PPP2R2D: variants seen among roughly 807,000 people sequenced by gnomAD.
PPP2R2D encodes the protein serine/threonine-protein phosphatase 2A 55 kDa regulatory subunit B delta isoform.
PPP2R2D carries 9 observed loss-of-function variants against 31.1 expected under a neutral mutation model. The ratio of observed to expected loss-of-function variants is 0.29; its 90% CI spans 0.17 to 0.51. PPP2R2D has a LOEUF of 0.51. PPP2R2D is among the 20% of genes least tolerant of loss of function. PPP2R2D has a pLI of 0.98. For synonymous variants in PPP2R2D, 179 were observed against 172.6 expected, an observed-to-expected ratio of 1.04 and a Z score of -0.29; for missense variants, 391 against 465.6, an observed-to-expected ratio of 0.84 and a Z score of 1.48.
In PPP2R2D at chr10:131,938,464, C is replaced by T. The variant is rs2036382894; in HGVS notation, c.199-1567C>T. Among the ~76,000 whole-genome samples, 3 of 152,206 alleles carry T rather than the reference C, an allele frequency of 2.0e-5. No individual in the cohort carries two copies. In the East Asian group the frequency reaches 5.8e-4, roughly 29 times the overall value. Reference sequence around the variant, plus strand: ...TGCAAACCCACCACCCAGAGGTTATCCCTTCATCAAAGGAAGGAGAATGCT... The same window carrying T: ...TGCAAACCCACCACCCAGAGGTTATTCCTTCATCAAAGGAAGGAGAATGCT... On this transcript the variant is annotated intron_variant, in intron 3 of 8. Transcript: ENST00000455566.
At chr10:131,919,104 C>T (rs1284628210) in intron 2 of PPP2R2D, among the ~76,000 whole-genome samples, 3 of 93,520 alleles carry the variant, frequency 3.2e-5, no homozygotes, top group African/African-American at 4.4e-5. Context: ...GGACGTCAGG[C>T]GGCTGGAATG....
At position 131,925,934 on chromosome 10, in the gene PPP2R2D, G is replaced by A. The variant is rs181719885; in HGVS notation, c.101-8524G>A. Among the ~76,000 whole-genome samples, 26 of 152,254 alleles carry A rather than the reference G, an allele frequency of 1.7e-4. 1 individual carries two copies. In the South Asian group the frequency reaches 1.9e-3, roughly 11 times the overall value. ...TAGTGGCTCCGCCCCGTTTTTCAGC[G>A]CACACACAGGCCCTTAGTCTGAGCC... On this transcript the variant is annotated intron_variant, in intron 2 of 8. Transcript: ENST00000455566.
rs1415351746 is a variant in PPP2R2D at position 131,932,437 on chromosome 10, C to T, written c.101-2021C>T. 2.6e-5 allele frequency among the ~76,000 whole-genome samples: 4 copies of T among 152,122 alleles called. No homozygotes were observed. In the South Asian group the frequency reaches 6.2e-4, roughly 24 times the overall value. Reference sequence around the variant, plus strand: ...GCAAGTTGATCACTTGAGACTGAAGCGGGCTGATGACGTGAGGCCAGGAAT... The same window carrying T: ...GCAAGTTGATCACTTGAGACTGAAGTGGGCTGATGACGTGAGGCCAGGAAT... On this transcript the variant is annotated intron_variant, in intron 2 of 8. Transcript: ENST00000455566.
chr10:131,925,563 T>C (rs1234268030), intron 2 of PPP2R2D, among the ~76,000 whole-genome samples: 1 of 152,272 alleles, frequency 6.6e-6, no homozygotes, highest in Non-Finnish European at 1.5e-5. Flanking sequence ...TTCTGACTTC[T>C]GTATTTTAGA....
In PPP2R2D at chr10:131,901,019, C is replaced by CG. The variant is rs2035477840; in HGVS notation, c.-130_-129insG. The CG allele has an allele frequency of 9.0e-6, 1 of 110,726 alleles. No homozygotes were observed. Among genetic ancestry groups the CG allele is most frequent in the Admixed American group, 1.0e-4 (1 of 9,990 alleles). 6.9% of individuals were successfully genotyped at this position (110,726 alleles called of 1,614,324 possible). The stretch of plus-strand genomic sequence containing the variant: ...TTTTGAAAAGGGAAAAAAATCCCTC[C>CG]CCGGCGGCGGCGGCGGCGGCGGCGG... On this transcript the variant is annotated 5_prime_UTR_variant, in exon 1 of 9. Transcript: ENST00000455566.
At chr10:131,964,014 C>T (rs2036951651), downstream of PPP2R2D, among the ~76,000 whole-genome samples, 1 of 152,230 alleles carries the variant, frequency 6.6e-6, no homozygotes. Context: ...TGCAGTCTTT[C>T]AGGACCCGAG....
Position 131,934,463 on chromosome 10 carries a change from A to C in PPP2R2D, c.106A>C (p.Ile36Leu). ...AIDEDVAEAD[I>L]ISTVEFNYSG... ...CTTCTGTATTTTGTTGACAGCGGACATCATTTCCACCGTTGAGTTTAATTA... is the reference window on the plus strand; with the variant it reads ...CTTCTGTATTTTGTTGACAGCGGACCTCATTTCCACCGTTGAGTTTAATTA... The change falls in exon 3 of 9, where the codon ATC becomes CTC. Residue 36 changes from isoleucine to leucine, a missense_variant. Ile to Leu is a conservative substitution (Grantham distance 5). This residue lies in a region of PPP2R2D where 105 missense variants were observed against 98.5 expected (regional missense o/e 1.07). Coordinates refer to ENST00000455566, the MANE Select transcript of PPP2R2D (RefSeq NM_018461.5). 2.6e-6 allele frequency: 2 copies of C among 778,754 alleles called. No homozygotes were observed. Among genetic ancestry groups the C allele is most frequent in the Non-Finnish European group, 4.8e-6 (2 of 417,434 alleles). 48.2% of individuals were successfully genotyped at this position (778,754 alleles called of 1,614,324 possible). A position where few individuals can be genotyped will look rare whatever the true frequency, so the allele number is the denominator to read the frequency against.
intron 2 of PPP2R2D, among the ~76,000 whole-genome samples, chr10:131,901,928 A>G (rs1486859916): frequency 6.6e-6 from 1 of 152,230 alleles, no homozygotes; most frequent in African/African-American, 2.4e-5. Flanking sequence ...CTCTACTGAT[A>G]TATTTTAAGG....
chr10:131,955,496 G>C (rs1485046744), intron 8 of PPP2R2D, among the ~76,000 whole-genome samples, 188 bp from the exon 9 acceptor site: 2 of 152,158 alleles, frequency 1.3e-5, no homozygotes, highest in Non-Finnish European at 2.9e-5. Flanking sequence ...CATGATTATA[G>C]ATAAAGCTCG....
At position 131,901,328 on chromosome 10, in the gene PPP2R2D, A is replaced by T; in HGVS notation, c.98A>T (p.Glu33Val). 1 of 357,248 alleles carries T rather than the reference A, an allele frequency of 2.8e-6. No individual in the cohort carries two copies. The allele number at this position is 357,248 out of a possible 1,614,324, so 22.1% of individuals were successfully genotyped here. The change falls in exon 2 of 9, where the codon GAA becomes GTA. Residue 33 changes from glutamate to valine, a missense_variant and splice_region_variant. By Grantham distance (121) the Glu-to-Val change is moderately radical. Coordinates refer to ENST00000455566, the MANE Select transcript of PPP2R2D (RefSeq NM_018461.5). ...GGGGCCATCGACGAGGACGTGGCCG[A>T]AGGTGAGCCCCGCGCCGCGCCCCGC... ...VKGAIDEDVAEADIISTVEFN... is the reference protein window; with the variant it reads ...VKGAIDEDVAVADIISTVEFN...
chr10:131,964,187 C>CT (rs1288671764), downstream of PPP2R2D, among the ~76,000 whole-genome samples: 2 of 152,176 alleles, frequency 1.3e-5, no homozygotes, highest in Non-Finnish European at 2.9e-5. Context: ...TACCAGGTCT[C>CT]TTCACTGTAG....
At chr10:131,922,724 G>A (rs568170776) in intron 2 of PPP2R2D, among the ~76,000 whole-genome samples, 1 of 152,150 alleles carries the variant, frequency 6.6e-6, no homozygotes, top group African/African-American at 2.4e-5. Flanking sequence ...GGGATTACAG[G>A]CATGAGCTAC....
intron 2 of PPP2R2D, among the ~76,000 whole-genome samples, chr10:131,922,865 AT>A (rs1336567635): frequency 9.2e-5 from 14 of 152,276 alleles, no homozygotes; most frequent in South Asian, 2.1e-4. Flanking sequence ...TTTATATCAG[AT>A]TTTTGTTTGT....
intron 2 of PPP2R2D, among the ~76,000 whole-genome samples, chr10:131,911,032 C>T (rs2035674774): frequency 6.6e-6 from 1 of 152,200 alleles, no homozygotes; most frequent in African/African-American, 2.4e-5. Context: ...TTATAATAAA[C>T]CGCTAAACTA....
chr10:131,918,815 AGT>A (rs1159806591), intron 2 of PPP2R2D, among the ~76,000 whole-genome samples: 4 of 132,814 alleles, frequency 3.0e-5, no homozygotes, highest in Admixed American at 8.0e-5. Flanking sequence ...GGAATGACAC[AGT>A]GTGGGGACCT....
Position 131,945,877 on chromosome 10 carries a change from C to T in PPP2R2D, c.820+418C>T, listed in dbSNP as rs576642267. 11 of 160,926 alleles carry T rather than the reference C, an allele frequency of 6.8e-5. No homozygotes were observed. The highest frequency in any genetic ancestry group is 1.2e-4 in the African/African-American group (5 of 41,704). 10.0% of individuals were successfully genotyped at this position (160,926 alleles called of 1,614,324 possible). On this transcript the variant is annotated intron_variant, in intron 7 of 8. Coordinates refer to ENST00000455566, the MANE Select transcript of PPP2R2D (RefSeq NM_018461.5). This position sits in a 1 kb window ranked among gnomAD's most constrained non-coding sequence, Gnocchi z 4.8. ...CTGGGGAGCCCTCCTTTGCTGGGGC[C>T]GTCCGAGTGTGGCTGTGTCAGAGGC...
intron 8 of PPP2R2D, among the ~76,000 whole-genome samples, chr10:131,951,010 A>C (rs1294238533): frequency 6.6e-6 from 1 of 152,286 alleles, no homozygotes; most frequent in Non-Finnish European, 1.5e-5. Context: ...GAATAGGTGC[A>C]GAATTAGTTG....
chr10:131,969,504 G>A, the PPP2R2D span: 1 of 152,290 alleles, frequency 6.6e-6, no homozygotes, highest in African/African-American at 2.4e-5. Context: ...GGGGGGACGT[G>A]AGAATGTGCC....
At chr10:131,930,972 T>C (rs982056859) in intron 2 of PPP2R2D, among the ~76,000 whole-genome samples, 1 of 152,210 alleles carries the variant, frequency 6.6e-6, no homozygotes, top group Non-Finnish European at 1.5e-5. Flanking sequence ...CATGGCACTT[T>C]CTCCTCCTCT....
Sources: allele counts gnomAD v4.1 joint callset (sites outside exome capture counted in the v4.1 genomes callset), GRCh38; gene constraint gnomAD v4.1.1; regional missense constraint gnomAD v4.1.1; non-coding constraint Gnocchi (gnomAD v3.1); transcripts MANE v1.5; gene names NCBI Gene and HGNC (gene_info 2026-07-23, HGNC 2026-07-21).